The following SLC4A8 variants were observed in gnomAD, a reference collection of about 807,000 sequenced individuals.
SLC4A8 encodes the protein electroneutral sodium bicarbonate exchanger 1.
SLC4A8 carries 40 observed loss-of-function variants against 125.0 expected under a neutral mutation model. The ratio of observed to expected loss-of-function variants is 0.32; its 90% confidence interval spans 0.25 to 0.42. SLC4A8 has a LOEUF of 0.42. Ranked by LOEUF, SLC4A8 falls within the 10% of genes least tolerant of loss-of-function variation. SLC4A8 has a pLI of 1.00. For synonymous variants in SLC4A8, 456 were observed against 476.0 expected (o/e 0.96, Z 0.55); for missense variants, 863 against 1,355.1 (o/e 0.64, Z 5.70).
chr12:51,407,212 A>G (rs1208544864), intron 1 of SLC4A8, among the ~76,000 whole-genome samples: 1 of 152,160 alleles, frequency 6.6e-6, no homozygotes, highest in Non-Finnish European at 1.5e-5. Context: ...AAGGCCTACC[A>G]CTAATACTGT....
At position 51,508,804 on chromosome 12, in the gene SLC4A8, C is replaced by T. The variant is rs560012797; in HGVS notation, c.*1366C>T. ...CAAGCCCATTAGCACCCAGATAATTCTATCATGTTAGTTTCCCATCCTGGA... is the reference window on the plus strand; with the variant it reads ...CAAGCCCATTAGCACCCAGATAATTTTATCATGTTAGTTTCCCATCCTGGA... On this transcript the variant is annotated 3_prime_UTR_variant, in exon 25 of 25. Transcript: ENST00000453097. 6.6e-6 allele frequency: 1 copy of T among 152,314 alleles called. No individual in the cohort carries two copies. The highest frequency in any genetic ancestry group is 2.1e-4 in the South Asian group (1 of 4,830). The allele number at this position is 152,314 out of a possible 1,614,324, so 9.4% of individuals were successfully genotyped here.
intron 2 of SLC4A8, among the ~76,000 whole-genome samples, chr12:51,444,088 A>G (rs1949690433): frequency 6.6e-6 from 1 of 152,166 alleles, no homozygotes; most frequent in African/African-American, 2.4e-5. Context: ...AAAAAGAATG[A>G]CGAGTTAGAT....
At chr12:51,442,348 G>A (rs1040964017) in intron 2 of SLC4A8, among the ~76,000 whole-genome samples, 6 of 152,212 alleles carry the variant, frequency 3.9e-5, no homozygotes, top group Admixed American at 1.3e-4. Context: ...GCATGTTGCT[G>A]TCAGTTTAGT....
At chr12:51,496,696 T>C (rs1951468015) in intron 21 of SLC4A8, among the ~76,000 whole-genome samples, 2 of 152,228 alleles carry the variant, frequency 1.3e-5, no homozygotes, top group Non-Finnish European at 2.9e-5. Context: ...TGCTGTCCTG[T>C]AGCCTTCCTG....
chr12:51,418,466 C>A (rs780540624), intron 1 of SLC4A8, among the ~76,000 whole-genome samples: 3 of 152,164 alleles, frequency 2.0e-5, no homozygotes, highest in African/African-American at 4.8e-5. Flanking sequence ...CTACCCCAAA[C>A]AAAGCTGATT....
chr12:51,453,419 GATTTT>G (rs1950028338), intron 4 of SLC4A8, 115 bp from the exon 5 acceptor site: 2 of 1,005,704 alleles, frequency 2.0e-6, no homozygotes, highest in Non-Finnish European at 3.0e-6. Flanking sequence ...ATACAGATTA[GATTTT>G]ACAATGTTCA....
At chr12:51,425,400 A>G in intron 1 of SLC4A8, 1 of 1,087,424 alleles carries the variant, frequency 9.2e-7, no homozygotes, top group Non-Finnish European at 1.1e-6. Context: ...AAAGGGTAGC[A>G]GGGACCTTGC....
chr12:51,483,542 T>C (rs1375376820), intron 16 of SLC4A8, among the ~76,000 whole-genome samples: 6 of 151,730 alleles, frequency 4.0e-5, no homozygotes, highest in African/African-American at 1.2e-4. Flanking sequence ...ATTCAAAACA[T>C]TTATTCAGCA....
At chr12:51,491,705 C>T (rs925059925) in intron 19 of SLC4A8, among the ~76,000 whole-genome samples, 8 of 151,570 alleles carry the variant, frequency 5.3e-5, no homozygotes, top group Non-Finnish European at 1.0e-4. Flanking sequence ...GCCTCCATGT[C>T]TGGCTCTTCC....
At chr12:51,424,706 G>A (rs1238365524), upstream of SLC4A8, 4 of 439,662 alleles carry the variant, frequency 9.1e-6, no homozygotes, top group East Asian at 3.9e-5. Context: ...GCCCGGGAGC[G>A]GTTGGCTCCC....
intron 18 of SLC4A8, 54 bp from the exon 19 acceptor site, chr12:51,489,646 A>G: frequency 1.0e-5 from 16 of 1,605,834 alleles, no homozygotes; most frequent in Non-Finnish European, 1.4e-5. Context: ...TCACTGTTCT[A>G]TGCCCTACTA....
In SLC4A8 at chr12:51,494,823, G is replaced by A. The variant is rs532599520; in HGVS notation, c.2770-122G>A. The A allele has an allele frequency of 5.9e-5, 43 of 732,370 alleles. No individual in the cohort carries two copies. In the African/African-American group the frequency reaches 7.1e-4, roughly 12 times the overall value. The allele number at this position is 732,370 out of a possible 1,614,324, so 45.4% of individuals were successfully genotyped here. ...TTTTAAAGTCTCAGTTTCCATTTCT[G>A]TCCAGAGGAAATGGTGTTACCTACC... On this transcript the variant is annotated intron_variant, in intron 20 of 24. Transcript: ENST00000453097.
At chr12:51,456,212 G>A (rs985230626) in intron 5 of SLC4A8, among the ~76,000 whole-genome samples, 2 of 152,036 alleles carry the variant, frequency 1.3e-5, no homozygotes, top group Non-Finnish European at 2.9e-5. Context: ...GAGACATGAG[G>A]TGGATGTTCT....
Position 51,514,120 on chromosome 12 carries a change from T to C in SLC4A8, c.*6682T>C, listed in dbSNP as rs1442598133. 6.6e-6 allele frequency: 1 copy of C among 152,656 alleles called. No individual in the cohort carries two copies. Among genetic ancestry groups the C allele is most frequent in the Non-Finnish European group, 1.5e-5 (1 of 68,038 alleles). The allele number at this position is 152,656 out of a possible 1,614,324, so 9.5% of individuals were successfully genotyped here. A position where few individuals can be genotyped will look rare whatever the true frequency, so the allele number is the denominator to read the frequency against. ...GCTATCAATATATTCTCTCTGTTGC[T>C]TTATCAGCTTCTCTAAATTTATTTT... On this transcript the variant is annotated 3_prime_UTR_variant, in exon 25 of 25. Transcript: ENST00000453097.
chr12:51,464,966 G>A (rs748600383), intron 11 of SLC4A8, among the ~76,000 whole-genome samples: 2 of 152,180 alleles, frequency 1.3e-5, no homozygotes, highest in Non-Finnish European at 2.9e-5. Flanking sequence ...CTGTGCTCTG[G>A]GAGGGAGCAT....
chr12:51,442,680 A>G (rs1027962252), intron 2 of SLC4A8, among the ~76,000 whole-genome samples: 2 of 152,170 alleles, frequency 1.3e-5, no homozygotes, highest in Admixed American at 1.3e-4. Context: ...TTATGTTAAC[A>G]CTTAAAAAAA....
At chr12:51,483,750 TA>T (rs1270070453) in intron 16 of SLC4A8, among the ~76,000 whole-genome samples, 26 of 152,264 alleles carry the variant, frequency 1.7e-4, no homozygotes, top group Admixed American at 1.6e-3. Flanking sequence ...CTTTTTTTTT[TA>T]ATTATACTTT....
chr12:51,414,080 GC>G (rs1300375670), intron 1 of SLC4A8, among the ~76,000 whole-genome samples: 1 of 151,526 alleles, frequency 6.6e-6, no homozygotes, highest in Non-Finnish European at 1.5e-5. Flanking sequence ...GTTTGCTTGT[GC>G]CCTCTTCAAT....
At chr12:51,432,738 C>A (rs983979612) in intron 1 of SLC4A8, among the ~76,000 whole-genome samples, 9 of 152,032 alleles carry the variant, frequency 5.9e-5, no homozygotes, top group Non-Finnish European at 1.0e-4. Flanking sequence ...AACAAACAAA[C>A]AAAAAACTCT....
Sources: gnomAD v4.1 joint callset for allele counts (sites outside exome capture counted in the v4.1 genomes callset) on GRCh38, gnomAD v4.1.1 for gene constraint, MANE v1.5 for transcripts, NCBI Gene and HGNC (gene_info 2026-07-23, HGNC 2026-07-21) for gene names.